Variants in SRGAP1 observed in about 807,000 individuals in gnomAD.
SRGAP1 encodes the protein SLIT-ROBO Rho GTPase-activating protein 1.
In SRGAP1, 43 loss-of-function variants were observed where a neutral mutation model predicts 121.9. The ratio of observed to expected loss-of-function variants is 0.35; its 90% CI spans 0.28 to 0.46. The LOEUF (loss-of-function observed/expected upper bound fraction) is 0.46. Among genes scored for constraint, SRGAP1 ranks in the 20% least tolerant of loss-of-function variants. The pLI, the probability that SRGAP1 is intolerant of heterozygous loss-of-function variation, is 1.00. For missense variants in SRGAP1, 1,102 were observed against 1,350.9 expected (o/e 0.82, Z 2.89); for synonymous variants, 447 against 485.4 (o/e 0.92, Z 1.04).
Position 63,917,460 on chromosome 12 carries a change from A to G in SRGAP1, c.68-66487A>G, listed in dbSNP as rs148796261. Among the ~76,000 whole-genome samples, 416 of 152,210 alleles carry G rather than the reference A, an allele frequency of 2.7e-3. 4 individuals carry two copies. Among genetic ancestry groups the G allele is most frequent in the Admixed American group, 5.7e-3 (87 of 15,292 alleles). ...CACTGAAAAGTTCATTTTTATTGTG[A>G]GTGTGTTGGGAGCAATGTGAGTCAA... On this transcript the variant is annotated intron_variant, in intron 1 of 21. Transcript: ENST00000355086.
chr12:63,999,919 G>T (rs2033827011), intron 3 of SRGAP1, among the ~76,000 whole-genome samples: 1 of 152,084 alleles, frequency 6.6e-6, no homozygotes, highest in African/African-American at 2.4e-5. Context: ...ATAAGAAGAA[G>T]AACTGTATCC....
chr12:64,110,623 C>T (rs2036416858), intron 16 of SRGAP1, among the ~76,000 whole-genome samples: 1 of 152,198 alleles, frequency 6.6e-6, no homozygotes, highest in Non-Finnish European at 1.5e-5. Context: ...TTAACTGTGA[C>T]TGTCTCCACT....
At chr12:63,897,213 A>G (rs1046944459) in intron 1 of SRGAP1, among the ~76,000 whole-genome samples, 2 of 152,364 alleles carry the variant, frequency 1.3e-5, no homozygotes, top group Admixed American at 1.3e-4. Context: ...AGATCTTATC[A>G]TCTGACACCT....
intron 17 of SRGAP1, among the ~76,000 whole-genome samples, chr12:64,115,433 T>C (rs1401050737): frequency 2.6e-5 from 4 of 152,162 alleles, no homozygotes; most frequent in Non-Finnish European, 5.9e-5. Flanking sequence ...TAGAGTCTTA[T>C]AGTTTTCATT....
chr12:64,135,031 T>TG (rs1470594932), intron 21 of SRGAP1, among the ~76,000 whole-genome samples: 13 of 152,176 alleles, frequency 8.5e-5, no homozygotes, highest in Non-Finnish European at 1.8e-4. Context: ...CCATCACCAT[T>TG]GCCTCAGGCA....
At chr12:64,098,489 G>A (rs972950514) in intron 15 of SRGAP1, among the ~76,000 whole-genome samples, 1 of 151,890 alleles carries the variant, frequency 6.6e-6, no homozygotes, top group African/African-American at 2.4e-5. Flanking sequence ...TGGGCAACAT[G>A]GCAAAACCCC....
intron 16 of SRGAP1, among the ~76,000 whole-genome samples, chr12:64,110,705 A>G (rs1358192655): frequency 3.3e-5 from 5 of 152,168 alleles, no homozygotes; most frequent in South Asian, 2.1e-4. Flanking sequence ...GATCTGTAAT[A>G]TGATCATTTA....
intron 3 of SRGAP1, among the ~76,000 whole-genome samples, chr12:64,004,044 G>A (rs1379643345): frequency 6.6e-6 from 1 of 152,200 alleles, no homozygotes; most frequent in African/African-American, 2.4e-5. Context: ...CACCTCACAG[G>A]TTGTGACAAC....
At position 63,844,825 on chromosome 12, in the gene SRGAP1, C is replaced by T. The variant is rs747570449; in HGVS notation, c.9C>T (p.Thr3=). ...CCCGGAACAGCTGGATAATGTCCAC[C>T]CCGAGCCGATTCAAGAAGGACAAAG... MS[T]PSRFKKDKEI... is the part of the protein sequence containing the mutation. The change falls in exon 1 of 22, where the codon ACC becomes ACT. Residue 3 remains threonine (T), a synonymous_variant. Coordinates refer to ENST00000355086, the MANE Select transcript of SRGAP1 (RefSeq NM_020762.4). The surrounding 1 kb of genome is among the most constrained non-coding windows in gnomAD (Gnocchi z 4.3). 6.2e-7 allele frequency: 1 copy of T among 1,614,130 alleles called. No individual in the cohort carries two copies. The highest frequency in any genetic ancestry group is 8.5e-7 in the Non-Finnish European group (1 of 1,180,022).
rs2136665301 is a variant in SRGAP1, at chr12:64,152,087, ACAAACAAT to A, written c.*9418_*9425del. The A allele has an allele frequency of 6.6e-6, 1 of 152,268 alleles. No homozygotes were observed. The highest frequency in any genetic ancestry group is 2.1e-4 in the South Asian group (1 of 4,828). 9.4% of individuals were successfully genotyped at this position (152,268 alleles called of 1,614,324 possible). A position where few individuals can be genotyped will look rare whatever the true frequency, so the allele number is the denominator to read the frequency against. On this transcript the variant is annotated 3_prime_UTR_variant, in exon 22 of 22. Transcript: ENST00000355086. ...TCTCAAAAACAAAATGAGAAACCTA[ACAAACAAT>A]CATTGAAAATGTACCATGTACTGAC...
chr12:64,134,638 C>G (rs140742785), intron 21 of SRGAP1, among the ~76,000 whole-genome samples: 1 of 152,202 alleles, frequency 6.6e-6, no homozygotes, highest in African/African-American at 2.4e-5. Flanking sequence ...ATCTTTCAAT[C>G]CATATTTCAG....
At chr12:64,000,269 TGTGTGTA>T (rs1302059124) in intron 3 of SRGAP1, among the ~76,000 whole-genome samples, 7 of 148,994 alleles carry the variant, frequency 4.7e-5, no homozygotes, top group African/African-American at 1.7e-4. Flanking sequence ...TGTGTGTGTG[TGTGTGTA>T]AAAAAAAAAA....
At chr12:64,001,091 G>A (rs1019214182) in intron 3 of SRGAP1, among the ~76,000 whole-genome samples, 5 of 151,918 alleles carry the variant, frequency 3.3e-5, no homozygotes, top group African/African-American at 9.7e-5. Context: ...TAGTACTTTC[G>A]AGCCTCAAGC....
At chr12:63,865,404 G>A (rs1204109551) in intron 1 of SRGAP1, among the ~76,000 whole-genome samples, 1 of 152,122 alleles carries the variant, frequency 6.6e-6, no homozygotes, top group African/African-American at 2.4e-5. Context: ...AGGAGGTGGA[G>A]GTTGCGGTGA....
At chr12:63,864,655 T>C (rs575900474) in intron 1 of SRGAP1, among the ~76,000 whole-genome samples, 2 of 152,328 alleles carry the variant, frequency 1.3e-5, no homozygotes, top group African/African-American at 4.8e-5. Flanking sequence ...TGTGAAAGTA[T>C]TACCACTTTT....
chr12:64,105,138 C>G (rs1339479320), intron 15 of SRGAP1, among the ~76,000 whole-genome samples: 1 of 152,094 alleles, frequency 6.6e-6, no homozygotes, highest in Non-Finnish European at 1.5e-5. Flanking sequence ...ATTCCAGGTA[C>G]CTAACATAAG....
rs533723355 is a variant in SRGAP1, at chr12:64,137,657, T to C, written c.2881-4638T>C. The stretch of plus-strand genomic sequence containing the variant: ...TGGAGACAGTGATTTAATATCAGGA[T>C]CTTAGATTATTCATTTAGCAAATCT... On this transcript the variant is annotated intron_variant, in intron 21 of 21. Transcript: ENST00000355086. Among the ~76,000 whole-genome samples the C allele has an allele frequency of 3.3e-5, 5 of 152,322 alleles. No homozygotes were observed. In the South Asian group the frequency reaches 1.0e-3, roughly 32 times the overall value.
chr12:63,903,520 A>G (rs2030040156), intron 1 of SRGAP1, among the ~76,000 whole-genome samples: 1 of 151,396 alleles, frequency 6.6e-6, no homozygotes, highest in South Asian at 2.1e-4. Flanking sequence ...TGCTGGGATA[A>G]CAGGCGTGAG....
At chr12:64,030,366 G>A (rs1327321499) in intron 4 of SRGAP1, among the ~76,000 whole-genome samples, 3 of 152,156 alleles carry the variant, frequency 2.0e-5, no homozygotes, top group Admixed American at 2.0e-4. Flanking sequence ...TTAAAGTAGA[G>A]CCTGCCTCCA....
Sources: allele counts gnomAD v4.1 joint callset (sites outside exome capture counted in the v4.1 genomes callset), GRCh38; gene constraint gnomAD v4.1.1; non-coding constraint Gnocchi (gnomAD v3.1); transcripts MANE v1.5; gene names NCBI Gene and HGNC (gene_info 2026-07-23, HGNC 2026-07-21).